Variants in SLCO1A2 observed in about 807,000 individuals in gnomAD.
The protein encoded by SLCO1A2 is OATP-1.
Under a neutral mutation model 69.0 loss-of-function variants are expected in SLCO1A2, and 67 were observed. The observed-to-expected ratio is 0.97, with a 90% CI of 0.80 to 1.19. The LOEUF is 1.19. Ranked by LOEUF, SLCO1A2 falls within the 50% of genes most tolerant of loss-of-function variation. The pLI is 0.00. For synonymous variants in SLCO1A2, 260 were observed against 265.9 expected (o/e 0.98, Z 0.22); for missense variants, 787 against 793.7 (o/e 0.99, Z 0.10).
chr12:21,342,674 A>C (rs1953110352), intron 2 of SLCO1A2, among the ~76,000 whole-genome samples: 1 of 152,106 alleles, frequency 6.6e-6, no homozygotes, highest in Non-Finnish European at 1.5e-5. Context: ...TAATATTACC[A>C]AATGTAATAA....
In SLCO1A2 at chr12:21,387,463, T is replaced by C. The variant is rs542548194; in HGVS notation, c.-190+7443A>G. Among the ~76,000 whole-genome samples the C allele has an allele frequency of 6.6e-5, 10 of 152,214 alleles. No individual in the cohort carries two copies. The East Asian group carries it at 1.9e-3, about 30-fold the overall frequency. ...ATGCCCTACATCCCAGGCACTCCAATCATGGCTAAAAGGGGCCAAGGTACA... is the reference window on the plus strand; with the variant it reads ...ATGCCCTACATCCCAGGCACTCCAACCATGGCTAAAAGGGGCCAAGGTACA... On this transcript the variant is annotated intron_variant, in intron 1 of 15. Transcript: ENST00000307378.
intron 1 of SLCO1A2, among the ~76,000 whole-genome samples, chr12:21,412,499 G>C (rs867977060): frequency 5.3e-4 from 80 of 152,282 alleles, no homozygotes; most frequent in African/African-American, 1.9e-3. Context: ...TGTATCAAAT[G>C]TTTATGAAAT....
chr12:21,391,230 C>T (rs1456095526), intron 1 of SLCO1A2, among the ~76,000 whole-genome samples: 1 of 152,064 alleles, frequency 6.6e-6, no homozygotes, highest in Non-Finnish European at 1.5e-5. Context: ...TACAGCATTA[C>T]TATAAGTGAT....
chr12:21,335,411 T>A (rs1350210797), upstream of SLCO1A2, among the ~76,000 whole-genome samples: 1 of 152,046 alleles, frequency 6.6e-6, no homozygotes, highest in Non-Finnish European at 1.5e-5. Flanking sequence ...TGTGGAAATA[T>A]ATGTACAGAT....
At chr12:21,352,866 C>T (rs1361207587) in intron 2 of SLCO1A2, among the ~76,000 whole-genome samples, 3 of 152,182 alleles carry the variant, frequency 2.0e-5, no homozygotes, top group Non-Finnish European at 4.4e-5. Context: ...TCTCAGTAAG[C>T]TTGGCCAGTT....
chr12:21,345,742 G>C (rs1368469387), intron 2 of SLCO1A2, among the ~76,000 whole-genome samples: 1 of 152,000 alleles, frequency 6.6e-6, no homozygotes, highest in Non-Finnish European at 1.5e-5. Flanking sequence ...GTCAGTAACA[G>C]CATCAATTCA....
rs568910774 is a variant in SLCO1A2 at position 21,306,077 on chromosome 12, A to G, written c.442+805T>C. Among the ~76,000 whole-genome samples, 223 of 152,066 alleles carry G rather than the reference A, an allele frequency of 1.5e-3. 7 individuals are homozygous for G. In the South Asian group the frequency reaches 0.045, roughly 31 times the overall value. The stretch of plus-strand genomic sequence containing the variant: ...AAGCACTATCTCCAGTAGAGGGGGA[A>G]AAAAAAAGAGCAGAAAGACAAGTTC... On this transcript the variant is annotated intron_variant, in intron 5 of 14. Transcript: ENST00000683939.
chr12:21,288,013 A>T (rs1220265611), intron 12 of SLCO1A2, among the ~76,000 whole-genome samples: 17 of 75,092 alleles, frequency 2.3e-4, no homozygotes, highest in African/African-American at 6.8e-4. Context: ...AAGTATAATA[A>T]AAAAAAAAAA....
intron 8 of SLCO1A2, among the ~76,000 whole-genome samples, chr12:21,299,773 TATATATATATATATATACACACAC>T: frequency 9.1e-6 from 1 of 109,932 alleles, no homozygotes; most frequent in African/African-American, 4.1e-5. Flanking sequence ...TACGTGTGTA[TATATATATATATATATACACACAC>T]ACGTATATAT....
intron 8 of SLCO1A2, among the ~76,000 whole-genome samples, chr12:21,299,791 C>T (rs56378038): frequency 0.77 from 97,194 of 126,996 alleles, 33,856 homozygotes; most frequent in Admixed American, 0.82. Context: ...TATATATATA[C>T]ACACACACGT....
chr12:21,351,529 A>C (rs1937954573), intron 2 of SLCO1A2, among the ~76,000 whole-genome samples: 1 of 152,100 alleles, frequency 6.6e-6, no homozygotes, highest in African/African-American at 2.4e-5. Flanking sequence ...TAATCCCAAC[A>C]CTTTGGGAGG....
upstream of SLCO1A2, among the ~76,000 whole-genome samples, chr12:21,395,989 G>C (rs1444631958): frequency 2.5e-3 from 375 of 151,260 alleles, 2 homozygotes; most frequent in Non-Finnish European, 4.2e-3. Context: ...AAGGAACGCA[G>C]TTCCTCACCA....
rs1006552246 is a variant in SLCO1A2 at position 21,300,347 on chromosome 12, C to T, written c.910+1G>A. The stretch of plus-strand genomic sequence containing the variant: ...ATAGTATTTAGAATATGTATATTTG[C>T]CTTTAGTGATTCCATATTTTTCCTT... On this transcript the variant is annotated splice_donor_variant, in intron 8 of 14. Transcript: ENST00000683939. LOFTEE classifies it high-confidence loss of function. The T allele has an allele frequency of 6.3e-7, 1 of 1,587,998 alleles. No individual in the cohort carries two copies. Among genetic ancestry groups the T allele is most frequent in the South Asian group, 1.1e-5 (1 of 90,108 alleles).
At chr12:21,278,822 C>T (rs1343889283) in intron 12 of SLCO1A2, among the ~76,000 whole-genome samples, 1 of 152,040 alleles carries the variant, frequency 6.6e-6, no homozygotes, top group African/African-American at 2.4e-5. Context: ...AAAGAACATA[C>T]AGGAAAACAT....
At chr12:21,349,582 A>T (rs528387081) in intron 2 of SLCO1A2, among the ~76,000 whole-genome samples, 1 of 152,250 alleles carries the variant, frequency 6.6e-6, no homozygotes, top group Non-Finnish European at 1.5e-5. Context: ...TGAAACATCT[A>T]ACCCTCAAAA....
intron 1 of SLCO1A2, among the ~76,000 whole-genome samples, chr12:21,413,362 C>T (rs1421955906): frequency 1.3e-5 from 2 of 151,268 alleles, no homozygotes; most frequent in African/African-American, 2.4e-5. Flanking sequence ...CTGCCTCAGC[C>T]TCCTGAGTAG....
chr12:21,336,149 TTC>T (rs201288671), upstream of SLCO1A2, among the ~76,000 whole-genome samples: 816 of 152,106 alleles, frequency 5.4e-3, 5 homozygotes, highest in African/African-American at 0.016. Flanking sequence ...CCCTTTTCTC[TTC>T]TCTCTCTCCT....
intron 1 of SLCO1A2, among the ~76,000 whole-genome samples, chr12:21,375,805 T>C (rs1200634356): frequency 6.6e-6 from 1 of 152,214 alleles, no homozygotes; most frequent in African/African-American, 2.4e-5. Flanking sequence ...GTTTAAACTC[T>C]CTTAAAGTCA....
At chr12:21,374,725 A>G (rs544790240) in intron 1 of SLCO1A2, among the ~76,000 whole-genome samples, 8 of 152,310 alleles carry the variant, frequency 5.3e-5, no homozygotes, top group Non-Finnish European at 8.8e-5. Flanking sequence ...ATTTCCTAGT[A>G]TATCTGTTTA....
Sources: allele counts gnomAD v4.1 joint callset (sites outside exome capture counted in the v4.1 genomes callset), GRCh38; gene constraint gnomAD v4.1.1; transcripts MANE v1.5; gene names NCBI Gene and HGNC (gene_info 2026-07-23, HGNC 2026-07-21).